Variants in LPIN2 observed in about 807,000 individuals in gnomAD.
LPIN2 encodes lipin 2, also known as phosphatidate phosphatase LPIN2.
LPIN2 carries 55 observed loss-of-function variants against 111.4 expected under a neutral mutation model. The ratio of observed to expected loss-of-function variants is 0.49; its 90% CI spans 0.40 to 0.62. The LOEUF is 0.62. LPIN2 is among the 20% of genes least tolerant of loss of function. The probability of loss-of-function intolerance (pLI) is 0.00; values close to 1 mark genes in which losing one functional copy is unlikely to be tolerated. For missense variants in LPIN2, 992 were observed against 1,112.1 expected (o/e 0.89, Z 1.54); for synonymous variants, 425 against 414.0 (o/e 1.03, Z -0.32).
chr18:2,962,336 A>G (rs745333206), intron 1 of LPIN2, among the ~76,000 whole-genome samples: 1 of 152,174 alleles, frequency 6.6e-6, no homozygotes, highest in Non-Finnish European at 1.5e-5. Context: ...TGCAAAACTT[A>G]CTCCTAAATA....
intron 1 of LPIN2, among the ~76,000 whole-genome samples, chr18:2,980,137 ATGTT>A (rs1321527204): frequency 6.6e-6 from 1 of 152,172 alleles, no homozygotes; most frequent in Non-Finnish European, 1.5e-5. Flanking sequence ...AACTCAGAAA[ATGTT>A]TGTCTCAAAA....
chr18:3,001,902 G>C (rs1473015852), intron 1 of LPIN2, among the ~76,000 whole-genome samples: 1 of 152,108 alleles, frequency 6.6e-6, no homozygotes, highest in Admixed American at 6.5e-5. Context: ...AAGGAAAATA[G>C]GAACACCAAG....
intron 1 of LPIN2, among the ~76,000 whole-genome samples, chr18:2,974,221 C>T (rs1356623557): frequency 6.6e-6 from 1 of 152,072 alleles, no homozygotes; most frequent in Non-Finnish European, 1.5e-5. Flanking sequence ...GGATTACGGG[C>T]GCCTGCCACC....
At chr18:2,929,186 G>A in intron 9 of LPIN2, 28 bp from the exon 10 acceptor site, 5 of 1,357,806 alleles carry the variant, frequency 3.7e-6, no homozygotes, top group Non-Finnish European at 5.3e-6. Flanking sequence ...AATCAATTTG[G>A]TTAGAGATTA....
At chr18:2,943,175 G>A (rs1236220929) in intron 4 of LPIN2, among the ~76,000 whole-genome samples, 2 of 150,104 alleles carry the variant, frequency 1.3e-5, no homozygotes, top group African/African-American at 2.5e-5. Flanking sequence ...GAATATTGCT[G>A]TATGTAAATT....
At chr18:2,955,875 A>G (rs2077604009) in intron 2 of LPIN2, among the ~76,000 whole-genome samples, 1 of 152,146 alleles carries the variant, frequency 6.6e-6, no homozygotes, top group Admixed American at 6.5e-5. Context: ...AGATCACGCC[A>G]TTGCACTCCA....
intron 1 of LPIN2, among the ~76,000 whole-genome samples, chr18:2,983,928 C>T (rs568680471): frequency 1.2e-4 from 18 of 152,106 alleles, no homozygotes; most frequent in African/African-American, 4.3e-4. Flanking sequence ...GGGGAAAAGG[C>T]CATTCAGGCA....
intron 1 of LPIN2, among the ~76,000 whole-genome samples, chr18:2,997,449 T>C (rs537454224): frequency 2.1e-5 from 1 of 48,514 alleles, no homozygotes; most frequent in African/African-American, 4.0e-5. Flanking sequence ...TTTCTAAACA[T>C]AACAAATTCA....
At position 2,920,171 on chromosome 18, in the gene LPIN2, C is replaced by T; in HGVS notation, c.*122G>A. On this transcript the variant is annotated 3_prime_UTR_variant, in exon 20 of 20. Coordinates refer to ENST00000677752, the MANE Select transcript of LPIN2 (RefSeq NM_001375808.2). Reference sequence around the variant, plus strand: ...GGAAGGCAAAGGAGGATGGCGGGACCAGCTCCAGAAGCACCCGTCCCCGCT... The same window carrying T: ...GGAAGGCAAAGGAGGATGGCGGGACTAGCTCCAGAAGCACCCGTCCCCGCT... The T allele has an allele frequency of 7.3e-7, 1 of 1,370,318 alleles. No homozygotes were observed. Among genetic ancestry groups the T allele is most frequent in the Non-Finnish European group, 1.0e-6 (1 of 972,962 alleles). 84.9% of individuals were successfully genotyped at this position (1,370,318 alleles called of 1,614,324 possible).
chr18:2,961,469 A>AT (rs963186426), intron 1 of LPIN2, among the ~76,000 whole-genome samples: 1 of 152,218 alleles, frequency 6.6e-6, no homozygotes, highest in African/African-American at 2.4e-5. Context: ...ATGACTCAAT[A>AT]TAACTAACTG....
intron 1 of LPIN2, among the ~76,000 whole-genome samples, chr18:2,966,060 G>A (rs757582871): frequency 7.9e-5 from 12 of 151,776 alleles, no homozygotes; most frequent in African/African-American, 2.2e-4. Context: ...CTTGGCCTCC[G>A]GAGAAGCTGG....
At chr18:2,945,912 G>T in intron 4 of LPIN2, 1 of 1,419,356 alleles carries the variant, frequency 7.0e-7, no homozygotes, top group Non-Finnish European at 9.9e-7. Flanking sequence ...CTTTTGTACA[G>T]CCCTCTTGGT....
At chr18:2,950,286 G>A (rs1034602796) in intron 4 of LPIN2, 1 of 152,172 alleles carries the variant, frequency 6.6e-6, no homozygotes, top group Non-Finnish European at 1.5e-5. Context: ...GAACATCACT[G>A]TTTTCCAGGA....
intron 4 of LPIN2, among the ~76,000 whole-genome samples, chr18:2,942,103 T>C (rs959063492): frequency 1.3e-5 from 2 of 152,144 alleles, no homozygotes; most frequent in Non-Finnish European, 2.9e-5. Flanking sequence ...AATATTACTC[T>C]TCTTCCTTTA....
chr18:3,001,971 C>G (rs1269592948), intron 1 of LPIN2, among the ~76,000 whole-genome samples: 1 of 152,032 alleles, frequency 6.6e-6, no homozygotes, highest in Non-Finnish European at 1.5e-5. Context: ...AAGTTCCTTT[C>G]CAACTCTCAG....
At chr18:2,996,573 G>A (rs575530044) in intron 1 of LPIN2, among the ~76,000 whole-genome samples, 2 of 139,652 alleles carry the variant, frequency 1.4e-5, no homozygotes, top group African/African-American at 2.7e-5. Flanking sequence ...CGGCTCCCAG[G>A]TTCATGCCAT....
At chr18:2,952,329 G>C (rs965075524) in intron 3 of LPIN2, among the ~76,000 whole-genome samples, 1 of 152,164 alleles carries the variant, frequency 6.6e-6, no homozygotes, top group Admixed American at 6.5e-5. Flanking sequence ...AGGAGGCTGA[G>C]GCAGAAGAAT....
At chr18:2,955,120 G>T (rs969290181) in intron 2 of LPIN2, among the ~76,000 whole-genome samples, 18 of 152,188 alleles carry the variant, frequency 1.2e-4, no homozygotes, top group African/African-American at 4.3e-4. Flanking sequence ...AGAACCAGGT[G>T]AAACGATGGG....
chr18:2,978,898 C>G (rs616117), intron 1 of LPIN2: 143,964 of 152,382 alleles, frequency 0.94, 68,284 homozygotes, highest in East Asian at 1. Context: ...GCAGATTCTA[C>G]TGCAAGTACT....
Sources: allele counts gnomAD v4.1 joint callset (sites outside exome capture counted in the v4.1 genomes callset), GRCh38; gene constraint gnomAD v4.1.1; transcripts MANE v1.5; gene names NCBI Gene and HGNC (gene_info 2026-07-23, HGNC 2026-07-21).